Variants in NALF1 observed in about 807,000 individuals in gnomAD.
NALF1 encodes the protein family with sequence similarity 155 member A.
NALF1 carries 3 observed loss-of-function variants against 48.4 expected under a neutral mutation model. The ratio of observed to expected loss-of-function variants is 0.06; its 90% CI spans 0.03 to 0.16. NALF1 has a LOEUF of 0.16. Ranked by LOEUF, NALF1 falls within the 10% of genes least tolerant of loss-of-function variation. NALF1 has a pLI of 1.00. For missense variants in NALF1, 526 were observed against 571.5 expected (o/e 0.92, Z 0.81); for synonymous variants, 262 against 245.7 (o/e 1.07, Z -0.62).
intron 1 of NALF1, among the ~76,000 whole-genome samples, chr13:107,511,723 T>C: frequency 6.6e-6 from 1 of 152,024 alleles, no homozygotes; most frequent in East Asian, 1.9e-4. Context: ...CAATCTTGTA[T>C]AATAGAAAAA....
Position 107,167,334 on chromosome 13 carries a change from C to T in NALF1, c.*3163G>A, listed in dbSNP as rs539483808. The T allele has an allele frequency of 4.6e-4, 70 of 150,776 alleles. No individual in the cohort carries two copies. The highest frequency in any genetic ancestry group is 1.6e-3 in the African/African-American group (64 of 40,122). 9.3% of individuals were successfully genotyped at this position (150,776 alleles called of 1,614,324 possible). A position where few individuals can be genotyped will look rare whatever the true frequency, so the allele number is the denominator to read the frequency against. On this transcript the variant is annotated 3_prime_UTR_variant, in exon 3 of 3. Coordinates refer to ENST00000375915, the MANE Select transcript of NALF1 (RefSeq NM_001080396.3). ...TGTTCAAAATGAACATATGCACAACCTTAAGCATGCTCAAGTGTGTGCCAG... is the reference window on the plus strand; with the variant it reads ...TGTTCAAAATGAACATATGCACAACTTTAAGCATGCTCAAGTGTGTGCCAG...
chr13:107,844,657 A>G (rs1880124845), intron 1 of NALF1, among the ~76,000 whole-genome samples: 1 of 152,224 alleles, frequency 6.6e-6, no homozygotes, highest in Admixed American at 6.5e-5. Context: ...GAAGAAATCC[A>G]ACAACCGATA....
chr13:107,293,106 G>C (rs970974649), intron 1 of NALF1, among the ~76,000 whole-genome samples: 2 of 147,904 alleles, frequency 1.4e-5, no homozygotes, highest in African/African-American at 5.0e-5. Context: ...TCAGCCTCCC[G>C]AGCAGCTGGG....
At position 107,366,260 on chromosome 13, in the gene NALF1, CA is replaced by C. The variant is rs376797228; in HGVS notation, c.916-155506del. On this transcript the variant is annotated intron_variant, in intron 1 of 2. Transcript: ENST00000375915. ...TGCGTACTATGCCATAATCTTAATACAAAAAAAATAGGTTATGCATTGAGAT... is the reference window on the plus strand; with the variant it reads ...TGCGTACTATGCCATAATCTTAATACAAAAAAATAGGTTATGCATTGAGAT... Among the ~76,000 whole-genome samples the C allele has an allele frequency of 2.4e-3, 359 of 151,624 alleles. 1 individual carries two copies. Among genetic ancestry groups the C allele is most frequent in the African/African-American group, 7.7e-3 (319 of 41,436 alleles).
At chr13:107,840,843 T>C (rs1017284788) in intron 1 of NALF1, among the ~76,000 whole-genome samples, 1 of 152,108 alleles carries the variant, frequency 6.6e-6, no homozygotes, top group Non-Finnish European at 1.5e-5. Flanking sequence ...CGGTATTCTG[T>C]CTACCCAGAC....
At chr13:107,259,382 A>G (rs986671154) in intron 1 of NALF1, among the ~76,000 whole-genome samples, 1 of 152,280 alleles carries the variant, frequency 6.6e-6, no homozygotes, top group Non-Finnish European at 1.5e-5. Flanking sequence ...TAGGTCAGAG[A>G]TCAGGAAAAA....
intron 1 of NALF1, among the ~76,000 whole-genome samples, chr13:107,312,478 G>A (rs1004467910): frequency 5.3e-5 from 8 of 152,032 alleles, no homozygotes; most frequent in South Asian, 2.1e-4. Flanking sequence ...TGTAAATGAC[G>A]AGTTAATGGG....
chr13:107,215,134 G>A (rs1879844809), intron 1 of NALF1, among the ~76,000 whole-genome samples: 1 of 152,164 alleles, frequency 6.6e-6, no homozygotes, highest in African/African-American at 2.4e-5. Context: ...TCGGAAGTGG[G>A]GTCTAGAAAG....
At chr13:107,493,480 T>C (rs1348714684) in intron 1 of NALF1, among the ~76,000 whole-genome samples, 1 of 152,116 alleles carries the variant, frequency 6.6e-6, no homozygotes, top group Non-Finnish European at 1.5e-5. Context: ...GCTATGTTTA[T>C]TCTACCTGTA....
chr13:107,480,813 T>A (rs951971147), intron 1 of NALF1, among the ~76,000 whole-genome samples: 2 of 152,160 alleles, frequency 1.3e-5, no homozygotes, highest in Non-Finnish European at 2.9e-5. Context: ...ATAAGGAAAG[T>A]CTAAAGCTCG....
At chr13:107,519,077 C>T (rs917803876) in intron 1 of NALF1, among the ~76,000 whole-genome samples, 3 of 151,766 alleles carry the variant, frequency 2.0e-5, no homozygotes, top group Admixed American at 6.6e-5. Context: ...TAGTGTCTGC[C>T]TTCAGGAGAG....
At chr13:107,786,410 CTT>C (rs1878072049) in intron 1 of NALF1, among the ~76,000 whole-genome samples, 1 of 93,312 alleles carries the variant, frequency 1.1e-5, no homozygotes, top group Non-Finnish European at 2.0e-5. Flanking sequence ...GAGCGAAACT[CTT>C]TCTCAAAAAA....
At chr13:107,787,568 C>T (rs1481722446) in intron 1 of NALF1, among the ~76,000 whole-genome samples, 2 of 152,142 alleles carry the variant, frequency 1.3e-5, no homozygotes. Context: ...CCAATATTTC[C>T]GTGTCTTTTT....
At chr13:107,795,365 G>GTAATTCA (rs1282381213) in intron 1 of NALF1, among the ~76,000 whole-genome samples, 8 of 152,104 alleles carry the variant, frequency 5.3e-5, no homozygotes, top group African/African-American at 1.9e-4. Context: ...TCATTCACGT[G>GTAATTCA]TAACTTACTG....
chr13:107,549,514 A>G (rs1877229709), intron 1 of NALF1, among the ~76,000 whole-genome samples: 1 of 152,186 alleles, frequency 6.6e-6, no homozygotes, highest in African/African-American at 2.4e-5. Context: ...TGTATCTTCC[A>G]GAAAAGTTGC....
At chr13:107,354,045 G>A (rs2138947774) in intron 1 of NALF1, among the ~76,000 whole-genome samples, 1 of 152,178 alleles carries the variant, frequency 6.6e-6, no homozygotes, top group East Asian at 1.9e-4. Flanking sequence ...TCTAATTCAC[G>A]CAAAAATCAG....
chr13:107,517,919 A>T (rs1441682153), intron 1 of NALF1, among the ~76,000 whole-genome samples: 1 of 152,150 alleles, frequency 6.6e-6, no homozygotes, highest in Admixed American at 6.6e-5. Context: ...GCCATGTTGC[A>T]CTCCAGCCTG....
At chr13:107,534,429 A>G (rs1257615009) in intron 1 of NALF1, among the ~76,000 whole-genome samples, 2 of 152,180 alleles carry the variant, frequency 1.3e-5, no homozygotes, top group Non-Finnish European at 2.9e-5. Flanking sequence ...AGCAATAAGG[A>G]CAAAAGTTAA....
At chr13:107,673,652 T>G (rs556184239) in intron 1 of NALF1, among the ~76,000 whole-genome samples, 2 of 152,134 alleles carry the variant, frequency 1.3e-5, no homozygotes, top group African/African-American at 2.4e-5. Flanking sequence ...AGCAATAATA[T>G]CTAGTTTCAA....
Sources: gnomAD v4.1 joint callset for allele counts (sites outside exome capture counted in the v4.1 genomes callset) on GRCh38, gnomAD v4.1.1 for gene constraint, MANE v1.5 for transcripts, NCBI Gene and HGNC (gene_info 2026-07-23, HGNC 2026-07-21) for gene names.